CNTN1: variants seen among roughly 807,000 people sequenced by gnomAD.
CNTN1 encodes contactin-1.
CNTN1 carries 38 observed loss-of-function variants against 126.4 expected under a neutral mutation model. That is an observed-to-expected ratio of 0.30 (90% CI 0.23 to 0.39). The LOEUF is 0.39. CNTN1 is among the 10% of genes least tolerant of loss of function. CNTN1 has a pLI of 1.00. For missense variants in CNTN1, 1,009 were observed against 1,248.4 expected, an observed-to-expected ratio of 0.81 and a Z score of 2.89; for synonymous variants, 413 against 422.6, an observed-to-expected ratio of 0.98 and a Z score of 0.28.
At chr12:40,737,494 G>A (rs1937749651) in intron 1 of CNTN1, among the ~76,000 whole-genome samples, 1 of 151,406 alleles carries the variant, frequency 6.6e-6, no homozygotes, top group African/African-American at 2.4e-5. Flanking sequence ...CCTGGAGTCC[G>A]ATGTTCAAGG....
At chr12:40,947,649 T>C (rs1486143187) in intron 14 of CNTN1, among the ~76,000 whole-genome samples, 1 of 151,734 alleles carries the variant, frequency 6.6e-6, no homozygotes, top group Non-Finnish European at 1.5e-5. Flanking sequence ...ATTTTTGACA[T>C]TCACTTTGGG....
intron 23 of CNTN1, among the ~76,000 whole-genome samples, chr12:41,052,250 G>GT (rs1299655075): frequency 2.0e-5 from 3 of 152,156 alleles, no homozygotes; most frequent in Admixed American, 6.5e-5. Context: ...GACATTACTT[G>GT]TTTTTATCTT....
intron 16 of CNTN1, among the ~76,000 whole-genome samples, chr12:40,987,928 C>T (rs1948000524): frequency 1.3e-5 from 2 of 148,918 alleles, no homozygotes; most frequent in African/African-American, 2.5e-5. Flanking sequence ...TATTGTAGGA[C>T]AGTATCCTTT....
At chr12:40,813,019 T>TTTCCTTCCTTCCATC (rs1941124168) in intron 1 of CNTN1, among the ~76,000 whole-genome samples, 1 of 84,684 alleles carries the variant, frequency 1.2e-5, no homozygotes, top group Non-Finnish European at 2.6e-5. Flanking sequence ...TTCCATCCTT[T>TTTCCTTCCTTCCATC]CTTTCTTTCT....
chr12:40,926,437 G>A (rs1264937320), intron 6 of CNTN1, among the ~76,000 whole-genome samples: 2 of 152,082 alleles, frequency 1.3e-5, no homozygotes, highest in Non-Finnish European at 2.9e-5. Context: ...AAGGCAGAGG[G>A]TAGTAAGAAA....
At chr12:40,919,402 A>G (rs1258473434) in intron 4 of CNTN1, among the ~76,000 whole-genome samples, 1 of 152,210 alleles carries the variant, frequency 6.6e-6, no homozygotes, top group Non-Finnish European at 1.5e-5. Flanking sequence ...TCATAAAAGT[A>G]TACTAACAGT....
intron 1 of CNTN1, among the ~76,000 whole-genome samples, chr12:40,820,139 G>A (rs987420761): frequency 9.2e-5 from 14 of 152,200 alleles, no homozygotes; most frequent in African/African-American, 3.4e-4. Context: ...AGGCAAAGGG[G>A]AACCAGCATG....
chr12:41,042,835 A>G (rs1949447536), intron 23 of CNTN1, among the ~76,000 whole-genome samples: 2 of 152,118 alleles, frequency 1.3e-5, no homozygotes, highest in Non-Finnish European at 2.9e-5. Context: ...GAGCCCTCAG[A>G]AATAATGCCG....
chr12:40,853,441 A>C (rs1942789512), intron 1 of CNTN1, among the ~76,000 whole-genome samples: 1 of 152,138 alleles, frequency 6.6e-6, no homozygotes, highest in Admixed American at 6.6e-5. Flanking sequence ...AAGTTAGTGA[A>C]AGACTCAACT....
intron 1 of CNTN1, among the ~76,000 whole-genome samples, chr12:40,773,544 C>G (rs1051316932): frequency 6.7e-6 from 1 of 149,794 alleles, no homozygotes; most frequent in Non-Finnish European, 1.5e-5. Context: ...CAGAGACTTC[C>G]GAAAACAAAA....
chr12:40,748,651 T>C (rs1234002783), intron 1 of CNTN1, among the ~76,000 whole-genome samples: 1 of 152,156 alleles, frequency 6.6e-6, no homozygotes, highest in Non-Finnish European at 1.5e-5. Flanking sequence ...GAACTTTGGC[T>C]TTTATCCTCA....
At chr12:40,991,221 T>C (rs762215346) in intron 16 of CNTN1, among the ~76,000 whole-genome samples, 26 of 152,138 alleles carry the variant, frequency 1.7e-4, no homozygotes, top group Non-Finnish European at 3.4e-4. Context: ...ATCACTTTCA[T>C]ATCTACCTTG....
intron 15 of CNTN1, among the ~76,000 whole-genome samples, chr12:40,965,792 A>T (rs187877096): frequency 6.6e-6 from 1 of 152,278 alleles, no homozygotes; most frequent in Admixed American, 6.5e-5. Context: ...GTGTTCAAGA[A>T]TCCTTACATT....
chr12:40,713,928 C>T (rs1941987086), intron 1 of CNTN1, among the ~76,000 whole-genome samples: 1 of 152,038 alleles, frequency 6.6e-6, no homozygotes, highest in African/African-American at 2.4e-5. Context: ...ACGCTCTTCT[C>T]TATTTCTCAC....
rs147785216 is a variant in CNTN1, at chr12:40,967,056, C to A, written c.1804+7822C>A. Among the ~76,000 whole-genome samples the A allele has an allele frequency of 3.4e-3, 513 of 152,000 alleles. 1 individual carries two copies. The highest frequency in any genetic ancestry group is 0.012 in the African/African-American group (498 of 41,478). On this transcript the variant is annotated intron_variant, in intron 15 of 23. Transcript: ENST00000551295. ...CATGGCTCCCTTAAAAAATAATCGGCCAGGGGAGGCAGAGGCAGGAGAATT... is the reference window on the plus strand; with the variant it reads ...CATGGCTCCCTTAAAAAATAATCGGACAGGGGAGGCAGAGGCAGGAGAATT...
chr12:40,968,091 C>T (rs990903171), intron 15 of CNTN1, among the ~76,000 whole-genome samples: 1 of 151,820 alleles, frequency 6.6e-6, no homozygotes, highest in Non-Finnish European at 1.5e-5. Context: ...AAAATTGAAT[C>T]TAATGAGGCT....
At chr12:40,917,069 G>GGGA (rs1592252715) in intron 3 of CNTN1, among the ~76,000 whole-genome samples, 1 of 125,504 alleles carries the variant, frequency 8.0e-6, no homozygotes, top group East Asian at 3.1e-4. Flanking sequence ...GGCGGGGGGG[G>GGGA]GGGCAGAACT....
At chr12:40,711,736 G>T (rs1292164536) in intron 1 of CNTN1, among the ~76,000 whole-genome samples, 1 of 151,708 alleles carries the variant, frequency 6.6e-6, no homozygotes, top group Admixed American at 6.6e-5. Context: ...TTAAGAGACA[G>T]GATCTTGCTC....
chr12:41,036,084 C>T (rs1949254641), intron 23 of CNTN1, among the ~76,000 whole-genome samples: 2 of 152,130 alleles, frequency 1.3e-5, no homozygotes, highest in African/African-American at 4.8e-5. Context: ...GAACAAGGCA[C>T]TCTCTTTCAG....
Sources: allele counts gnomAD v4.1 joint callset (sites outside exome capture counted in the v4.1 genomes callset), GRCh38; gene constraint gnomAD v4.1.1; transcripts MANE v1.5; gene names NCBI Gene and HGNC (gene_info 2026-07-23, HGNC 2026-07-21).